The following MAP3K9 variants were observed in gnomAD, a reference collection of about 807,000 sequenced individuals.
MAP3K9 encodes mitogen-activated protein kinase kinase kinase 9, also known as mixed lineage kinase 1 (tyr and ser/thr specificity).
A neutral mutation model predicts 95.8 loss-of-function variants in MAP3K9; 46 were observed. The observed-to-expected ratio is 0.48, with a 90% confidence interval of 0.38 to 0.61. The LOEUF (loss-of-function observed/expected upper bound fraction) is 0.61. Ranked by LOEUF, MAP3K9 falls within the 20% of genes least tolerant of loss-of-function variation. The pLI is 0.00. For synonymous variants in MAP3K9, 533 were observed against 593.8 expected, an observed-to-expected ratio of 0.90 and a Z score of 1.49; for missense variants, 1,296 against 1,474.3, an observed-to-expected ratio of 0.88 and a Z score of 1.98.
rs1271907611 is a variant in MAP3K9, at chr14:70,787,704, C to T, written c.820+12963G>A. 2.6e-5 allele frequency among the ~76,000 whole-genome samples: 4 copies of T among 151,972 alleles called. No homozygotes were observed. In the East Asian group the frequency reaches 5.8e-4, roughly 22 times the overall value. ...CACCTTCCTCTAGGGTCCCAAGCCC[C>T]TGAGAAGTTTATGAAATAGATATAT... On this transcript the variant is annotated intron_variant, in intron 2 of 11. Transcript: ENST00000554752.
intron 3 of MAP3K9, among the ~76,000 whole-genome samples, chr14:70,752,362 A>T (rs1175445871): frequency 6.6e-6 from 1 of 152,178 alleles, no homozygotes. Flanking sequence ...CACAGGAAGC[A>T]CTCATAGATA....
Position 70,808,844 on chromosome 14 carries a change from A to G in MAP3K9, c.328T>C (p.Tyr110His), listed in dbSNP as rs567260112. ...NQRVGIFPSN[Y>H]VTPRSAFSSR... ...GAGAAGGCGCTGCGCGGGGTCACGT[A>G]GTTGCTGGGGAAGATGCCCACCCGC... The change falls in exon 1 of 12, where the codon TAC (tyrosine) becomes CAC (histidine). Residue 110 changes from tyrosine to histidine, a missense_variant. This residue lies in a region of MAP3K9 where 338 missense variants were observed against 363.4 expected (regional missense o/e 0.93). Transcript: ENST00000554752. 3.1e-6 allele frequency: 5 copies of G among 1,598,646 alleles called. No homozygotes were observed. In the South Asian group the frequency reaches 5.7e-5, roughly 18 times the overall value.
At chr14:70,779,023 GA>G (rs36027985) in intron 2 of MAP3K9, among the ~76,000 whole-genome samples, 80,073 of 152,014 alleles carry the variant, frequency 0.53, 21,142 homozygotes, top group South Asian at 0.62. Context: ...TCCAGGGGGA[GA>G]ATCAGAAGAA....
chr14:70,745,762 G>C (rs555578822), intron 5 of MAP3K9, among the ~76,000 whole-genome samples: 1 of 151,888 alleles, frequency 6.6e-6, no homozygotes, highest in African/African-American at 2.4e-5. Flanking sequence ...TGATAGAAAA[G>C]AAATGAGAAA....
Position 70,787,336 on chromosome 14 carries a change from G to A in MAP3K9, c.820+13331C>T, listed in dbSNP as rs539626780. Among the ~76,000 whole-genome samples the A allele has an allele frequency of 4.6e-5, 7 of 151,826 alleles. No individual in the cohort carries two copies. In the East Asian group the frequency reaches 7.7e-4, roughly 17 times the overall value. ...AGCCTGGCCAACATAGTGAAACCCC[G>A]TCTCTACTAAAAATACAAAAAACTA... On this transcript the variant is annotated intron_variant, in intron 2 of 11. Coordinates refer to ENST00000554752, the MANE Select transcript of MAP3K9 (RefSeq NM_001284230.2).
chr14:70,753,396 C>T lies in MAP3K9; in HGVS notation c.1002-3315G>A, dbSNP rs540727119. Among the ~76,000 whole-genome samples, 9 of 152,266 alleles carry T rather than the reference C, an allele frequency of 5.9e-5. No individual in the cohort carries two copies. In the South Asian group the frequency reaches 1.9e-3, roughly 32 times the overall value. On this transcript the variant is annotated intron_variant, in intron 3 of 11. Transcript: ENST00000554752. ...TAAACTAGTTTTCCTCTGCCAACAT[C>T]CCGCTTTATGTTTACAATGGAAGGT...
chr14:70,796,808 T>C (rs1444441344), intron 2 of MAP3K9, among the ~76,000 whole-genome samples: 3 of 152,156 alleles, frequency 2.0e-5, no homozygotes, highest in African/African-American at 4.8e-5. Flanking sequence ...AGCCAAGTAC[T>C]GGGATGAGGG....
Position 70,748,901 on chromosome 14 carries a change from G to C in MAP3K9, c.1254C>G (p.Ser418=). The C allele has an allele frequency of 6.2e-7, 1 of 1,614,128 alleles. No homozygotes were observed. The highest frequency in any genetic ancestry group is 8.5e-7 in the Non-Finnish European group (1 of 1,180,010). The change falls in exon 5 of 12, where the codon TCC becomes TCG. Residue 418 remains serine, a synonymous_variant. Transcript: ENST00000554752. ...TCCAGTTGTCCTGCAGGCAGTGGAA[G>C]GAGTCCTTGGGCATTTCAAAGAAAC... The part of the protein sequence containing the change: ...ESGFFEMPKD[S]FHCLQDNWKH...
rs941338263 is a variant in MAP3K9, at chr14:70,725,966, T to A, written c.*4414A>T. 4 of 152,190 alleles carry A rather than the reference T, an allele frequency of 2.6e-5. No homozygotes were observed. Among genetic ancestry groups the A allele is most frequent in the Non-Finnish European group, 1.5e-5 (1 of 68,060 alleles). The allele number at this position is 152,190 out of a possible 1,614,324, so 9.4% of individuals were successfully genotyped here. On this transcript the variant is annotated 3_prime_UTR_variant, in exon 12 of 12. Transcript: ENST00000554752. ...GCTTCAGGAGGGAAAGTAGATAGCA[T>A]CGTCCCCAGTTCACAGTAGGCTTCT...
Position 70,738,412 on chromosome 14 carries a change from G to C in MAP3K9, c.1691-14C>G. On this transcript the variant is annotated splice_polypyrimidine_tract_variant and intron_variant, in intron 7 of 11. Coordinates refer to ENST00000554752, the MANE Select transcript of MAP3K9 (RefSeq NM_001284230.2). Reference sequence around the variant, plus strand: ...CACCTGGTGTCACTGTGAATCACAAGGGTTGGATAGGATCTAGAAAATGGA... The same window carrying C: ...CACCTGGTGTCACTGTGAATCACAACGGTTGGATAGGATCTAGAAAATGGA... 6.2e-7 allele frequency: 1 copy of C among 1,612,872 alleles called. No individual in the cohort carries two copies. Among genetic ancestry groups the C allele is most frequent in the Non-Finnish European group, 8.5e-7 (1 of 1,179,410 alleles).
intron 2 of MAP3K9, among the ~76,000 whole-genome samples, chr14:70,784,489 T>C (rs191486356): frequency 2.0e-4 from 30 of 152,180 alleles, no homozygotes; most frequent in African/African-American, 6.7e-4. Context: ...ATGCCTGTAA[T>C]CCCACAACTT....
At chr14:70,798,442 G>C (rs1382016724) in intron 2 of MAP3K9, among the ~76,000 whole-genome samples, 1 of 36,476 alleles carries the variant, frequency 2.7e-5, no homozygotes, top group Admixed American at 2.6e-4. Context: ...TCTCTAGGTA[G>C]AAATTACTTT....
At chr14:70,752,937 C>T (rs563457210) in intron 3 of MAP3K9, 11 of 152,204 alleles carry the variant, frequency 7.2e-5, no homozygotes, top group African/African-American at 2.2e-4. Flanking sequence ...TCTGCTCTTA[C>T]CTGGCTTGTT....
intron 9 of MAP3K9, 67 bp from the exon 10 acceptor site, chr14:70,734,565 G>A (rs2139709801): frequency 6.9e-6 from 6 of 869,738 alleles, no homozygotes; most frequent in East Asian, 2.4e-5. Context: ...TCAGCTCCAT[G>A]GGTCTATGGA....
At chr14:70,801,108 A>G in intron 1 of MAP3K9, 28 bp from the exon 2 acceptor site, 2 of 1,584,004 alleles carry the variant, frequency 1.3e-6, no homozygotes, top group Non-Finnish European at 8.6e-7. Context: ...AAAAGAAGCA[A>G]GTCAAAAACA....
intron 3 of MAP3K9, among the ~76,000 whole-genome samples, chr14:70,752,036 T>C (rs1202773986): frequency 6.6e-6 from 1 of 152,228 alleles, no homozygotes; most frequent in African/African-American, 2.4e-5. Context: ...CATTTATTCA[T>C]TCATCAGATG....
chr14:70,803,364 T>C (rs1452813800), intron 1 of MAP3K9, among the ~76,000 whole-genome samples: 4 of 89,524 alleles, frequency 4.5e-5, no homozygotes, highest in East Asian at 4.0e-4. Flanking sequence ...AAAAAAAAAC[T>C]GAACTGGAAC....
chr14:70,790,883 C>T (rs12437113), intron 2 of MAP3K9, among the ~76,000 whole-genome samples: 2 of 151,990 alleles, frequency 1.3e-5, no homozygotes, highest in Non-Finnish European at 2.9e-5. Context: ...GCTACATCAT[C>T]GAAACAAGGT....
intron 3 of MAP3K9, among the ~76,000 whole-genome samples, chr14:70,756,916 G>C (rs188660539): frequency 6.6e-6 from 1 of 152,280 alleles, no homozygotes; most frequent in East Asian, 1.9e-4. Context: ...AGCAATAAAA[G>C]TGTTAAACTG....
Sources: allele counts gnomAD v4.1 joint callset (sites outside exome capture counted in the v4.1 genomes callset), GRCh38; gene constraint gnomAD v4.1.1; regional missense constraint gnomAD v4.1.1; transcripts MANE v1.5; gene names NCBI Gene and HGNC (gene_info 2026-07-23, HGNC 2026-07-21).